The following SKAP1 variants were observed in gnomAD, a reference collection of about 807,000 sequenced individuals.
The protein encoded by SKAP1 is src kinase associated phosphoprotein 1.
SKAP1 carries 44 observed loss-of-function variants against 58.5 expected under a neutral mutation model. The ratio of observed to expected loss-of-function variants is 0.75; its 90% CI spans 0.59 to 0.97. The LOEUF (loss-of-function observed/expected upper bound fraction) is 0.97. Among genes scored for constraint, SKAP1 ranks in the 50% least tolerant of loss-of-function variants. SKAP1 has a pLI of 0.00. For synonymous variants in SKAP1, 127 were observed against 149.7 expected, an observed-to-expected ratio of 0.85 and a Z score of 1.11; for missense variants, 390 against 435.2, an observed-to-expected ratio of 0.90 and a Z score of 0.92.
Position 48,413,509 on chromosome 17 carries a change from C to T in SKAP1, c.46+16566G>A, listed in dbSNP as rs1347393499. ...AGCCTAGGCAATAAGAGCAAAACTC[C>T]GTCTCAAAAAAAAAATATATATATA... On this transcript the variant is annotated intron_variant, in intron 1 of 12. Transcript: ENST00000336915. Among the ~76,000 whole-genome samples the T allele has an allele frequency of 4.3e-5, 4 of 92,168 alleles. No individual in the cohort carries two copies. In the East Asian group the frequency reaches 9.4e-4, roughly 22 times the overall value. 60.5% of individuals were successfully genotyped at this position (92,168 alleles called of 152,430 possible).
intron 7 of SKAP1, 142 bp downstream of exon 7, chr17:48,184,581 C>A: frequency 9.6e-7 from 1 of 1,046,542 alleles, no homozygotes; most frequent in Admixed American, 1.9e-5. Context: ...TGAGGACATG[C>A]CAAGAAATAG....
chr17:48,190,310 C>T (rs149359703), intron 4 of SKAP1, among the ~76,000 whole-genome samples: 182 of 152,012 alleles, frequency 1.2e-3, no homozygotes, highest in African/African-American at 4.3e-3. Context: ...TATGGGGTTT[C>T]ACCGTGTTAG....
At chr17:48,272,543 T>C (rs906722100) in intron 4 of SKAP1, among the ~76,000 whole-genome samples, 17 of 152,188 alleles carry the variant, frequency 1.1e-4, no homozygotes, top group African/African-American at 4.1e-4. Context: ...AAGATGATCT[T>C]ATTTTTAATT....
intron 4 of SKAP1, among the ~76,000 whole-genome samples, chr17:48,330,823 G>A (rs1285058367): frequency 2.6e-4 from 37 of 144,620 alleles, no homozygotes; most frequent in South Asian, 1.3e-3. Context: ...CCCAGGGGGC[G>A]GAAAAAAAAA....
chr17:48,252,890 T>TGCA, intron 4 of SKAP1, among the ~76,000 whole-genome samples: 1 of 152,188 alleles, frequency 6.6e-6, no homozygotes, highest in Non-Finnish European at 1.5e-5. Flanking sequence ...GCTGCTTTAT[T>TGCA]GCTGGAGTAG....
At chr17:48,390,470 A>G (rs756097551) in intron 2 of SKAP1, among the ~76,000 whole-genome samples, 17 of 152,224 alleles carry the variant, frequency 1.1e-4, no homozygotes, top group Non-Finnish European at 2.1e-4. Context: ...CGTATTAAAA[A>G]AAAAGGACAC....
intron 4 of SKAP1, among the ~76,000 whole-genome samples, chr17:48,225,347 T>G (rs962166497): frequency 6.6e-6 from 1 of 152,192 alleles, no homozygotes; most frequent in Non-Finnish European, 1.5e-5. Context: ...TTATTGATCT[T>G]GCCACACATT....
At chr17:48,336,988 G>A (rs1458056401) in intron 4 of SKAP1, among the ~76,000 whole-genome samples, 1 of 152,134 alleles carries the variant, frequency 6.6e-6, no homozygotes, top group Admixed American at 6.5e-5. Flanking sequence ...ATTATTCTGT[G>A]AAAATATACT....
intron 4 of SKAP1, among the ~76,000 whole-genome samples, chr17:48,313,851 ATG>A (rs1206909903): frequency 6.6e-6 from 1 of 152,174 alleles, no homozygotes; most frequent in Non-Finnish European, 1.5e-5. Flanking sequence ...TAAAGGGACT[ATG>A]TGTGTGATGG....
At chr17:48,394,926 A>G (rs763955468) in intron 2 of SKAP1, among the ~76,000 whole-genome samples, 15 of 152,182 alleles carry the variant, frequency 9.9e-5, no homozygotes, top group Non-Finnish European at 1.5e-5. Flanking sequence ...TCATTTCCTC[A>G]GTGATCTGAT....
intron 4 of SKAP1, among the ~76,000 whole-genome samples, chr17:48,284,428 C>A (rs906196248): frequency 2.6e-5 from 4 of 152,090 alleles, no homozygotes; most frequent in Admixed American, 6.6e-5. Context: ...AAATGTCATT[C>A]TTTTCAATGT....
intron 4 of SKAP1, among the ~76,000 whole-genome samples, chr17:48,321,667 C>T (rs929496815): frequency 6.6e-6 from 1 of 152,108 alleles, no homozygotes; most frequent in East Asian, 1.9e-4. Flanking sequence ...CGTGAGCCAC[C>T]GCGCTCGGCC....
At chr17:48,367,723 G>A (rs1185858492) in intron 2 of SKAP1, among the ~76,000 whole-genome samples, 2 of 151,674 alleles carry the variant, frequency 1.3e-5, no homozygotes, top group African/African-American at 4.8e-5. Flanking sequence ...TTCAAGACCA[G>A]CTTGGGAAAC....
At chr17:48,420,916 G>A (rs527374324) in intron 1 of SKAP1, among the ~76,000 whole-genome samples, 127 of 152,210 alleles carry the variant, frequency 8.3e-4, no homozygotes, top group African/African-American at 2.4e-3. Context: ...CAACCAAAAC[G>A]TCTCCAGATG....
At chr17:48,358,014 A>G (rs2066897952) in intron 3 of SKAP1, among the ~76,000 whole-genome samples, 1 of 152,220 alleles carries the variant, frequency 6.6e-6, no homozygotes, top group Admixed American at 6.5e-5. Flanking sequence ...AAAGACATGA[A>G]AAACATGCTG....
chr17:48,177,209 A>T (rs1238673247), intron 9 of SKAP1, among the ~76,000 whole-genome samples: 1 of 152,180 alleles, frequency 6.6e-6, no homozygotes, highest in African/African-American at 2.4e-5. Context: ...AGCTGGAAAT[A>T]ACCAACTGGA....
At chr17:48,154,166 G>A (rs926521846) in intron 11 of SKAP1, among the ~76,000 whole-genome samples, 4 of 152,212 alleles carry the variant, frequency 2.6e-5, no homozygotes, top group Admixed American at 2.0e-4. Flanking sequence ...ACATAGTGTT[G>A]TGTTAACATA....
chr17:48,334,374 G>GA (rs1440056254), intron 4 of SKAP1, among the ~76,000 whole-genome samples: 2 of 151,840 alleles, frequency 1.3e-5, no homozygotes, highest in African/African-American at 4.8e-5. Flanking sequence ...AGAGCTTTGT[G>GA]AAAATATATC....
chr17:48,344,437 G>A (rs904622014), intron 4 of SKAP1: 2 of 152,618 alleles, frequency 1.3e-5, no homozygotes, highest in African/African-American at 4.8e-5. Flanking sequence ...TCCACTTAGA[G>A]GCCTTTCTGG....
Sources: gnomAD v4.1 joint callset for allele counts (sites outside exome capture counted in the v4.1 genomes callset) on GRCh38, gnomAD v4.1.1 for gene constraint, MANE v1.5 for transcripts, NCBI Gene and HGNC (gene_info 2026-07-23, HGNC 2026-07-21) for gene names.